EIF2S1: variants seen among roughly 807,000 people sequenced by gnomAD.
EIF2S1 encodes eukaryotic translation initiation factor 2 subunit alpha.
A neutral mutation model predicts 33.5 loss-of-function variants in EIF2S1; 5 were observed. That is an observed-to-expected ratio of 0.15 (90% CI 0.08 to 0.31). EIF2S1 has a LOEUF of 0.31. Ranked by LOEUF, EIF2S1 falls within the 10% of genes least tolerant of loss-of-function variation. The pLI, the probability that EIF2S1 is intolerant of heterozygous loss-of-function variation, is 1.00. For synonymous variants in EIF2S1, 99 were observed against 127.5 expected (o/e 0.78, Z 1.51); for missense variants, 191 against 384.6 (o/e 0.50, Z 4.21).
chr14:67,377,193 T>C (rs1291167595), intron 4 of EIF2S1, among the ~76,000 whole-genome samples: 1 of 152,242 alleles, frequency 6.6e-6, no homozygotes, highest in Non-Finnish European at 1.5e-5. Flanking sequence ...AACGACTTTG[T>C]TGCCATTATT....
rs1043830234 is a variant in EIF2S1, at chr14:67,383,830, C to G, written c.*390C>G. 8.4e-6 allele frequency: 2 copies of G among 238,874 alleles called. No homozygotes were observed. Among genetic ancestry groups the G allele is most frequent in the Non-Finnish European group, 8.4e-6 (1 of 119,296 alleles). 14.8% of individuals were successfully genotyped at this position (238,874 alleles called of 1,614,324 possible). On this transcript the variant is annotated 3_prime_UTR_variant, in exon 8 of 8. Transcript: ENST00000256383. ...TCTTTCTATATAAAATGTATTCAAG[C>G]AAACATCAAATAAATTTCTGGGATA...
intron 2 of EIF2S1, among the ~76,000 whole-genome samples, chr14:67,371,556 C>T (rs1263815463): frequency 6.6e-6 from 1 of 152,124 alleles, no homozygotes; most frequent in African/African-American, 2.4e-5. Context: ...GACCTTATAG[C>T]CTATACACAC....
chr14:67,380,612 A>G (rs1479809861), intron 4 of EIF2S1, 47 bp from the exon 5 acceptor site: 2 of 1,056,438 alleles, frequency 1.9e-6, no homozygotes, highest in Non-Finnish European at 1.4e-6. Context: ...CACATTTATC[A>G]GTAATATAAC....
At chr14:67,375,182 C>G (rs780576644) in intron 3 of EIF2S1, among the ~76,000 whole-genome samples, 1 of 151,894 alleles carries the variant, frequency 6.6e-6, no homozygotes, top group Admixed American at 6.6e-5. Flanking sequence ...CAGTATTTCT[C>G]TTTTCTCAGG....
chr14:67,380,812 A>G, intron 5 of EIF2S1, 47 bp downstream of exon 5: 1 of 1,018,642 alleles, frequency 9.8e-7, no homozygotes, highest in Non-Finnish European at 1.4e-6. Context: ...CATGCATCAA[A>G]AAAGCTATTA....
At chr14:67,367,352 T>A (rs548303534) in intron 2 of EIF2S1, among the ~76,000 whole-genome samples, 42 of 152,302 alleles carry the variant, frequency 2.8e-4, no homozygotes, top group African/African-American at 9.6e-4. Context: ...TGTCTCAGCC[T>A]CCAGAGTAGC....
chr14:67,378,723 C>T (rs987091028), intron 4 of EIF2S1, among the ~76,000 whole-genome samples: 6 of 152,200 alleles, frequency 3.9e-5, no homozygotes, highest in Non-Finnish European at 7.3e-5. Flanking sequence ...TTCCCTTTTC[C>T]TTAGCACTCT....
intron 2 of EIF2S1, among the ~76,000 whole-genome samples, chr14:67,368,559 A>T (rs1176545458): frequency 6.6e-6 from 1 of 152,236 alleles, no homozygotes; most frequent in Non-Finnish European, 1.5e-5. Flanking sequence ...TAAATATAGA[A>T]GCTAAGAAAA....
chr14:67,383,247 A>G lies in EIF2S1; in HGVS notation c.823-68A>G, dbSNP rs2085899479. 3 of 1,530,380 alleles carry G rather than the reference A, an allele frequency of 2.0e-6. No homozygotes were observed. In the Admixed American group the frequency reaches 5.5e-5, roughly 28 times the overall value. The allele number at this position is 1,530,380 out of a possible 1,614,324, so 94.8% of individuals were successfully genotyped here. A position where few individuals can be genotyped will look rare whatever the true frequency, so the allele number is the denominator to read the frequency against. ...TAAAGAGAGAAAACATTAGGCAGTA[A>G]TAGTATTGAAATTAAATTTGTATAG... On this transcript the variant is annotated intron_variant, in intron 7 of 7. Coordinates refer to ENST00000256383, the MANE Select transcript of EIF2S1 (RefSeq NM_004094.5).
chr14:67,376,586 G>A lies in EIF2S1; in HGVS notation c.469G>A (p.Val157Ile). 1 of 1,613,340 alleles carries A rather than the reference G, an allele frequency of 6.2e-7. No homozygotes were observed. Among genetic ancestry groups the A allele is most frequent in the Non-Finnish European group, 8.5e-7 (1 of 1,179,642 alleles). ...YGAYDAFKHA[V>I]SDPSILDSLD... ...TGCCTATGATGCATTTAAGCATGCA[G>A]TCTCGTAAGAATACCTTCTTGACTC... Residue 157 changes from valine (V) to isoleucine (I), a missense_variant, in exon 4 of 8, where the codon GTC (valine) becomes ATC (isoleucine). By Grantham distance (29) the Val-to-Ile change is conservative. Coordinates refer to ENST00000256383, the MANE Select transcript of EIF2S1 (RefSeq NM_004094.5).
At chr14:67,380,163 C>T (rs1235963828) in intron 4 of EIF2S1, among the ~76,000 whole-genome samples, 1 of 152,192 alleles carries the variant, frequency 6.6e-6, no homozygotes, top group Non-Finnish European at 1.5e-5. Context: ...ATTCAACAAA[C>T]ATGCCAGTTA....
chr14:67,379,064 C>T (rs558158067), intron 4 of EIF2S1, among the ~76,000 whole-genome samples: 2 of 152,264 alleles, frequency 1.3e-5, no homozygotes, highest in African/African-American at 4.8e-5. Context: ...CCATATTAAT[C>T]TCTATATAGT....
At position 67,385,473 on chromosome 14, in the gene EIF2S1, T is replaced by A. The variant is rs2139826598; in HGVS notation, c.*2033T>A. On this transcript the variant is annotated 3_prime_UTR_variant, in exon 8 of 8. Transcript: ENST00000256383. The stretch of plus-strand genomic sequence containing the variant: ...AAAAAAAAACCAAAAATCTTGAATC[T>A]CCCATCAAAGCCTTTTCATTAAAAA... The A allele has an allele frequency of 6.6e-6, 1 of 150,690 alleles. No individual in the cohort carries two copies. The allele number at this position is 150,690 out of a possible 1,614,324, so 9.3% of individuals were successfully genotyped here.
chr14:67,375,229 G>C (rs929648432), intron 3 of EIF2S1, among the ~76,000 whole-genome samples: 1 of 134,166 alleles, frequency 7.5e-6, no homozygotes, highest in Admixed American at 8.2e-5. Context: ...TACATCCTCA[G>C]TTCTGTGTGT....
intron 2 of EIF2S1, 85 bp from the exon 3 acceptor site, chr14:67,374,383 A>G (rs1211643516): frequency 1.5e-6 from 1 of 675,038 alleles, no homozygotes; most frequent in Admixed American, 2.9e-5. Flanking sequence ...ATGCCAATCA[A>G]ACACTTAATT....
Position 67,376,539 on chromosome 14 carries a change from A to T in EIF2S1, c.422A>T (p.Lys141Met), listed in dbSNP as rs750111905. 1.9e-6 allele frequency: 3 copies of T among 1,614,128 alleles called. No individual in the cohort carries two copies. The highest frequency in any genetic ancestry group is 3.3e-5 in the Admixed American group (2 of 60,020). Residue 141 changes from lysine (K) to methionine (M), a missense_variant, in exon 4 of 8, where the codon AAG becomes ATG. Transcript: ENST00000256383. ...AGGACTGCCTGGGTCTTTGATGACA[A>T]GTACAAGAGACCTGGATATGGTGCC... ...FQRTAWVFDD[K>M]YKRPGYGAYD...
rs539969540 is a variant in EIF2S1, at chr14:67,386,147, C to G, written c.*2707C>G. The stretch of plus-strand genomic sequence containing the variant: ...TAGTTTAATTCAGATGAACACCTAT[C>G]GATATTCAAAAGGCAAAACAAAAAA... On this transcript the variant is annotated 3_prime_UTR_variant, in exon 8 of 8. Coordinates refer to ENST00000256383, the MANE Select transcript of EIF2S1 (RefSeq NM_004094.5). The G allele has an allele frequency of 7.9e-5, 12 of 152,494 alleles. No homozygotes were observed. Among genetic ancestry groups the G allele is most frequent in the African/African-American group, 2.9e-4 (12 of 41,398 alleles). The allele number at this position is 152,494 out of a possible 1,614,324, so 9.4% of individuals were successfully genotyped here.
intron 2 of EIF2S1, among the ~76,000 whole-genome samples, chr14:67,371,064 G>A (rs1382491845): frequency 2.6e-5 from 4 of 152,092 alleles, no homozygotes; most frequent in African/African-American, 9.7e-5. Context: ...TTAAATTGAT[G>A]AGTTGTATCA....
At chr14:67,375,326 A>G (rs1412549931) in intron 3 of EIF2S1, among the ~76,000 whole-genome samples, 1 of 150,330 alleles carries the variant, frequency 6.7e-6, no homozygotes, top group Non-Finnish European at 1.5e-5. Context: ...CGCAATCTCA[A>G]CTTACTGCAA....
Sources: gnomAD v4.1 joint callset for allele counts (sites outside exome capture counted in the v4.1 genomes callset) on GRCh38, gnomAD v4.1.1 for gene constraint, MANE v1.5 for transcripts, NCBI Gene and HGNC (gene_info 2026-07-23, HGNC 2026-07-21) for gene names.